Variants in MAPK4 observed in about 807,000 individuals in gnomAD.
The protein encoded by MAPK4 is Erk3-related.
A neutral mutation model predicts 47.7 loss-of-function variants in MAPK4; 22 were observed. The observed-to-expected ratio is 0.46, with a 90% confidence interval of 0.33 to 0.66. The LOEUF (loss-of-function observed/expected upper bound fraction) is 0.66, where lower values mean the gene tolerates loss of function less well. Ranked by LOEUF, MAPK4 falls within the 30% of genes least tolerant of loss-of-function variation. The pLI is 0.02. For synonymous variants in MAPK4, 390 were observed against 365.7 expected (o/e 1.07, Z -0.76); for missense variants, 736 against 831.7 (o/e 0.88, Z 1.42).
intron 1 of MAPK4, among the ~76,000 whole-genome samples, chr18:50,570,584 G>A (rs1285509709): frequency 1.3e-5 from 2 of 151,234 alleles, no homozygotes; most frequent in African/African-American, 2.4e-5. Flanking sequence ...CTCTTCCATG[G>A]CCCAGACAAT....
chr18:50,676,675 T>C (rs1005752584), intron 2 of MAPK4, among the ~76,000 whole-genome samples: 1 of 152,230 alleles, frequency 6.6e-6, no homozygotes, highest in Non-Finnish European at 1.5e-5. Flanking sequence ...CATGAAAATC[T>C]AAACTTACAA....
intron 5 of MAPK4, among the ~76,000 whole-genome samples, chr18:50,728,680 A>G (rs142691682): frequency 6.6e-5 from 10 of 152,322 alleles, no homozygotes; most frequent in African/African-American, 2.4e-4. Context: ...TGTGGGTCCA[A>G]TGCCCAGCAG....
chr18:50,578,503 G>A (rs6508009), intron 1 of MAPK4, among the ~76,000 whole-genome samples: 70,350 of 152,086 alleles, frequency 0.46, 17,777 homozygotes, highest in Non-Finnish European at 0.57. Flanking sequence ...GGTCTAGGAG[G>A]AAGGACATAG....
chr18:50,704,482 A>G lies in MAPK4; in HGVS notation c.547-10597A>G, dbSNP rs372896653. 25 of 381,800 alleles carry G rather than the reference A, an allele frequency of 6.5e-5. 1 individual carries two copies. Among genetic ancestry groups the G allele is most frequent in the East Asian group, 3.4e-4 (9 of 26,628 alleles). 23.7% of individuals were successfully genotyped at this position (381,800 alleles called of 1,614,324 possible). ...GGTGACAAAGTGAGACCCTGTCTCC[A>G]AAAAAAAAGCAAGACAATCATGTGT... On this transcript the variant is annotated intron_variant, in intron 2 of 5. Transcript: ENST00000400384.
At chr18:50,713,838 T>C (rs566885924) in intron 2 of MAPK4, among the ~76,000 whole-genome samples, 4 of 152,324 alleles carry the variant, frequency 2.6e-5, no homozygotes, top group East Asian at 1.9e-4. Flanking sequence ...GGCCAGCGTA[T>C]GGGATGCTCT....
At chr18:50,610,553 G>A (rs191857554) in intron 1 of MAPK4, among the ~76,000 whole-genome samples, 95 of 152,322 alleles carry the variant, frequency 6.2e-4, no homozygotes, top group Non-Finnish European at 1.2e-3. Flanking sequence ...CCCCCTGTTG[G>A]CAGAAACAAC....
At chr18:50,686,479 C>T (rs769391972) in intron 2 of MAPK4, among the ~76,000 whole-genome samples, 6 of 152,242 alleles carry the variant, frequency 3.9e-5, no homozygotes, top group Non-Finnish European at 7.3e-5. Context: ...TACAATGGTG[C>T]GTCCTTTCTG....
intron 1 of MAPK4, among the ~76,000 whole-genome samples, chr18:50,562,453 G>A (rs1347510736): frequency 6.6e-6 from 1 of 150,388 alleles, no homozygotes; most frequent in Non-Finnish European, 1.5e-5. Context: ...TCCTAAACAA[G>A]GAAGGAACCA....
Position 50,730,145 on chromosome 18 carries a change from G to T in MAPK4, c.*291G>T, listed in dbSNP as rs970574423. Reference sequence around the variant, plus strand: ...AAGAAACGGCTTTAGACAGCAGTCTGCGGGCCCCACCTGGGTGGCAGGATG... The same window carrying T: ...AAGAAACGGCTTTAGACAGCAGTCTTCGGGCCCCACCTGGGTGGCAGGATG... On this transcript the variant is annotated 3_prime_UTR_variant, in exon 6 of 6. Transcript: ENST00000400384. 1 of 287,020 alleles carries T rather than the reference G, an allele frequency of 3.5e-6. No individual in the cohort carries two copies. The highest frequency in any genetic ancestry group is 1.5e-4 in the South Asian group (1 of 6,640). The allele number at this position is 287,020 out of a possible 1,614,324, so 17.8% of individuals were successfully genotyped here. A position where few individuals can be genotyped will look rare whatever the true frequency, so the allele number is the denominator to read the frequency against.
Position 50,730,721 on chromosome 18 carries a change from C to A in MAPK4, c.*867C>A, listed in dbSNP as rs1449072942. 2.0e-5 allele frequency: 3 copies of A among 152,542 alleles called. No individual in the cohort carries two copies. The highest frequency in any genetic ancestry group is 4.4e-5 in the Non-Finnish European group (3 of 68,044). 9.4% of individuals were successfully genotyped at this position (152,542 alleles called of 1,614,324 possible). ...CACGCAAAGACACAGCCCTCTTTCC[C>A]CACTGGGCGTCCTACCCCAGTGAGG... is the stretch of plus-strand genomic sequence containing the variant. On this transcript the variant is annotated 3_prime_UTR_variant, in exon 6 of 6. Coordinates refer to ENST00000400384, the MANE Select transcript of MAPK4 (RefSeq NM_002747.4).
intron 2 of MAPK4, among the ~76,000 whole-genome samples, chr18:50,713,172 G>A (rs1012238128): frequency 9.9e-5 from 15 of 152,184 alleles, no homozygotes; most frequent in Middle Eastern, 3.2e-3. Flanking sequence ...GAATTGTTAC[G>A]TATCTTGATT....
chr18:50,626,653 TCTC>T (rs1283254370), intron 1 of MAPK4, among the ~76,000 whole-genome samples: 8 of 152,072 alleles, frequency 5.3e-5, no homozygotes, highest in Admixed American at 2.0e-4. Context: ...TTTCTTCCCG[TCTC>T]CTCCCTCAGG....
chr18:50,703,572 T>C (rs542021588), intron 2 of MAPK4, among the ~76,000 whole-genome samples: 6 of 152,188 alleles, frequency 3.9e-5, no homozygotes, highest in Non-Finnish European at 8.8e-5. Context: ...GACAGTGGGC[T>C]TAACAGGTCA....
chr18:50,685,958 C>T (rs1231797073), intron 2 of MAPK4, among the ~76,000 whole-genome samples: 2 of 151,856 alleles, frequency 1.3e-5, no homozygotes, highest in African/African-American at 4.8e-5. Context: ...CAGAGCACCA[C>T]GGTTCTCAGA....
At chr18:50,651,423 T>G (rs1345808189) in intron 1 of MAPK4, among the ~76,000 whole-genome samples, 3 of 152,212 alleles carry the variant, frequency 2.0e-5, no homozygotes, top group Admixed American at 2.0e-4. Flanking sequence ...GTGTGTGGAA[T>G]GCGCTATGGG....
At chr18:50,706,458 T>C (rs1466624937) in intron 2 of MAPK4, among the ~76,000 whole-genome samples, 1 of 113,560 alleles carries the variant, frequency 8.8e-6, no homozygotes, top group African/African-American at 4.1e-5. Context: ...TGAACGTCAG[T>C]TTTTTTTTTT....
intron 1 of MAPK4, among the ~76,000 whole-genome samples, chr18:50,574,428 A>T (rs1429083643): frequency 6.6e-6 from 1 of 152,242 alleles, no homozygotes; most frequent in Non-Finnish European, 1.5e-5. Flanking sequence ...AAAATCATCG[A>T]GAGTATTTAT....
At chr18:50,607,497 C>T (rs577231386) in intron 1 of MAPK4, among the ~76,000 whole-genome samples, 95 of 152,224 alleles carry the variant, frequency 6.2e-4, no homozygotes, top group Non-Finnish European at 1.0e-3. Flanking sequence ...GTTATTTTGA[C>T]GTGATCCACA....
intron 1 of MAPK4, among the ~76,000 whole-genome samples, chr18:50,591,276 G>A (rs2042434626): frequency 6.6e-6 from 1 of 152,072 alleles, no homozygotes; most frequent in Admixed American, 6.6e-5. Context: ...AGATGTAACA[G>A]AAGTTTAGGA....
Sources: allele counts gnomAD v4.1 joint callset (sites outside exome capture counted in the v4.1 genomes callset), GRCh38; gene constraint gnomAD v4.1.1; transcripts MANE v1.5; gene names NCBI Gene and HGNC (gene_info 2026-07-23, HGNC 2026-07-21).